KBTBD12: variants seen among roughly 807,000 people sequenced by gnomAD.
The protein encoded by KBTBD12 is kelch repeat and BTB domain-containing protein 12.
Under a neutral mutation model 58.7 loss-of-function variants are expected in KBTBD12, and 53 were observed. The observed-to-expected ratio is 0.90, with a 90% confidence interval of 0.72 to 1.14. The LOEUF (loss-of-function observed/expected upper bound fraction) is 1.14, where lower values mean the gene tolerates loss of function less well. KBTBD12 is among the 50% of genes most tolerant of loss of function. The probability of loss-of-function intolerance (pLI) is 0.00; values close to 1 mark genes in which losing one functional copy is unlikely to be tolerated. For missense variants in KBTBD12, 704 were observed against 751.3 expected (o/e 0.94, Z 0.74); for synonymous variants, 236 against 259.8 (o/e 0.91, Z 0.88).
At chr3:127,915,844 A>G (rs73860726) in intron 1 of KBTBD12, among the ~76,000 whole-genome samples, 8,662 of 152,206 alleles carry the variant, frequency 0.057, 283 homozygotes, top group East Asian at 0.097. Context: ...TAGTATTATC[A>G]TCCTCCGAAT....
intron 3 of KBTBD12, among the ~76,000 whole-genome samples, chr3:127,928,735 A>G (rs1939634474): frequency 6.6e-6 from 1 of 152,248 alleles, no homozygotes; most frequent in South Asian, 2.1e-4. Context: ...TCTAATAAAA[A>G]TTAATCTCAC....
intron 4 of KBTBD12, among the ~76,000 whole-genome samples, chr3:127,931,513 T>C (rs547447857): frequency 6.6e-6 from 1 of 152,272 alleles, no homozygotes; most frequent in East Asian, 1.9e-4. Flanking sequence ...GCCTGTCTAC[T>C]AAACATATTA....
chr3:127,924,103 C>A lies in KBTBD12; in HGVS notation c.1042C>A (p.Gln348Lys), dbSNP rs1939506566. 2 of 1,610,012 alleles carry A rather than the reference C, an allele frequency of 1.2e-6. No individual in the cohort carries two copies. Among genetic ancestry groups the A allele is most frequent in the Admixed American group, 1.7e-5 (1 of 59,662 alleles). Residue 348 changes from glutamine to lysine, a missense_variant, in exon 2 of 6, where the codon CAA becomes AAA. Gln to Lys is a moderately conservative substitution (Grantham distance 53). Coordinates refer to ENST00000405109, the MANE Select transcript of KBTBD12 (RefSeq NM_207335.4). ...GEASASKLSR[Q>K]KNKNVEIYRY... is the part of the protein sequence containing the mutation. The stretch of plus-strand genomic sequence containing the variant: ...AGCAAGTGCCTCTAAACTCTCTAGA[C>A]AAAAGAACAAGAATGTTGAAATTTA...
intron 4 of KBTBD12, among the ~76,000 whole-genome samples, chr3:127,943,838 A>C (rs528802522): frequency 2.2e-4 from 34 of 152,234 alleles, no homozygotes; most frequent in African/African-American, 8.2e-4. Flanking sequence ...TTAAGTCTTT[A>C]ATCCATTTTG....
intron 5 of KBTBD12, among the ~76,000 whole-genome samples, chr3:127,970,538 C>G (rs549353494): frequency 6.6e-6 from 1 of 152,228 alleles, no homozygotes; most frequent in South Asian, 2.1e-4. Context: ...CACAGATGGA[C>G]AGATAAGTAA....
chr3:127,931,031 A>T (rs912794597), intron 4 of KBTBD12, among the ~76,000 whole-genome samples: 1 of 152,130 alleles, frequency 6.6e-6, no homozygotes, highest in African/African-American at 2.4e-5. Context: ...TGAGGCAGGG[A>T]GGTTGACTGG....
At chr3:127,917,306 TAAG>T (rs1302834285) in intron 1 of KBTBD12, among the ~76,000 whole-genome samples, 1 of 152,158 alleles carries the variant, frequency 6.6e-6, no homozygotes, top group African/African-American at 2.4e-5. Context: ...GAAGAACGCT[TAAG>T]TTTTCCGGTT....
intron 5 of KBTBD12, among the ~76,000 whole-genome samples, chr3:127,964,714 C>T (rs957397378): frequency 6.6e-5 from 10 of 151,384 alleles, no homozygotes; most frequent in South Asian, 2.1e-4. Context: ...TTGTTTTAAT[C>T]TATTCTAGCA....
At position 127,923,106 on chromosome 3, in the gene KBTBD12, GA is replaced by G; in HGVS notation, c.47del (p.Asn16IlefsTer3). 1 of 1,611,612 alleles carries G rather than the reference GA, an allele frequency of 6.2e-7. No individual in the cohort carries two copies. Among genetic ancestry groups the G allele is most frequent in the East Asian group, 2.2e-5 (1 of 44,850 alleles). ...GAAAAGAAAAATACCAACATAGCTT[GA>G]ATTTACTGAATAAAATTCAGAACAT... ...EGKEKYQHSL[N>X]LLNKIQNMKE... On this transcript the variant is annotated frameshift_variant, in exon 2 of 6. Coordinates refer to ENST00000405109, the MANE Select transcript of KBTBD12 (RefSeq NM_207335.4). LOFTEE classifies it high-confidence loss of function.
chr3:127,953,594 C>A (rs757311254), intron 4 of KBTBD12, among the ~76,000 whole-genome samples: 3 of 152,172 alleles, frequency 2.0e-5, no homozygotes, highest in African/African-American at 4.8e-5. Flanking sequence ...CAGTTAAAAC[C>A]TATGCTGAAT....
intron 5 of KBTBD12, among the ~76,000 whole-genome samples, chr3:127,968,771 A>G (rs62271663): frequency 6.6e-6 from 1 of 152,066 alleles, no homozygotes; most frequent in Non-Finnish European, 1.5e-5. Flanking sequence ...CTCGGAACTT[A>G]AAATAAAAGT....
intron 4 of KBTBD12, among the ~76,000 whole-genome samples, chr3:127,961,133 C>A (rs1940430903): frequency 6.6e-6 from 1 of 152,216 alleles, no homozygotes; most frequent in African/African-American, 2.4e-5. Flanking sequence ...CAAAAACAGA[C>A]AACTAGATCA....
chr3:127,944,242 G>T (rs913742052), intron 4 of KBTBD12, among the ~76,000 whole-genome samples: 6 of 151,934 alleles, frequency 3.9e-5, no homozygotes, highest in African/African-American at 1.5e-4. Context: ...AATTTTGATG[G>T]GGATTGTGTT....
At chr3:127,940,016 G>A (rs934710240) in intron 4 of KBTBD12, among the ~76,000 whole-genome samples, 1 of 152,002 alleles carries the variant, frequency 6.6e-6, no homozygotes, top group Non-Finnish European at 1.5e-5. Context: ...AGGCATGGAA[G>A]GACATTACAT....
At chr3:127,945,322 C>A (rs981572687) in intron 4 of KBTBD12, among the ~76,000 whole-genome samples, 1 of 151,216 alleles carries the variant, frequency 6.6e-6, no homozygotes. Flanking sequence ...GTAGGTGAGA[C>A]TACAGGCGCC....
At chr3:127,919,618 T>C (rs557728046) in intron 1 of KBTBD12, among the ~76,000 whole-genome samples, 1 of 152,298 alleles carries the variant, frequency 6.6e-6, no homozygotes, top group South Asian at 2.1e-4. Flanking sequence ...ATGCCAGCGA[T>C]ATTGAGGTGG....
At chr3:127,940,842 A>G (rs1407136098) in intron 4 of KBTBD12, among the ~76,000 whole-genome samples, 1 of 152,202 alleles carries the variant, frequency 6.6e-6, no homozygotes, top group Non-Finnish European at 1.5e-5. Flanking sequence ...AATACAGTAC[A>G]GATTACCAAT....
At chr3:127,951,921 A>C (rs1940212865) in intron 4 of KBTBD12, among the ~76,000 whole-genome samples, 1 of 147,060 alleles carries the variant, frequency 6.8e-6, no homozygotes, top group Non-Finnish European at 1.5e-5. Context: ...AGCTACCTTG[A>C]CTGTTTGAGT....
At chr3:127,947,302 C>A (rs1940105200) in intron 4 of KBTBD12, among the ~76,000 whole-genome samples, 1 of 152,088 alleles carries the variant, frequency 6.6e-6, no homozygotes, top group East Asian at 1.9e-4. Flanking sequence ...CTGGGATGGG[C>A]CAGGGTAAGT....
Sources: gnomAD v4.1 joint callset for allele counts (sites outside exome capture counted in the v4.1 genomes callset) on GRCh38, gnomAD v4.1.1 for gene constraint, MANE v1.5 for transcripts, NCBI Gene and HGNC (gene_info 2026-07-23, HGNC 2026-07-21) for gene names.